Variants in SCHIP1 observed in about 807,000 individuals in gnomAD.
The protein encoded by SCHIP1 is schwannomin-interacting protein 1.
Under a neutral mutation model 29.7 loss-of-function variants are expected in SCHIP1, and 8 were observed. The ratio of observed to expected loss-of-function variants is 0.27; its 90% CI spans 0.16 to 0.49. The LOEUF (loss-of-function observed/expected upper bound fraction) is 0.49, where lower values mean the gene tolerates loss of function less well. Among genes scored for constraint, SCHIP1 ranks in the 20% least tolerant of loss-of-function variants. SCHIP1 has a pLI of 0.99. For missense variants in SCHIP1, 193 were observed against 294.6 expected (o/e 0.66, Z 2.52); for synonymous variants, 76 against 94.9 (o/e 0.80, Z 1.16).
chr3:159,877,540 GTTTCTAAA>G (rs1440224320), intron 2 of SCHIP1, among the ~76,000 whole-genome samples: 5 of 152,118 alleles, frequency 3.3e-5, no homozygotes, highest in Admixed American at 2.6e-4. Flanking sequence ...GCCCCAAAAT[GTTTCTAAA>G]CATGAACATA....
the SCHIP1 span, among the ~76,000 whole-genome samples, chr3:159,623,108 C>A: frequency 3.3e-5 from 5 of 152,156 alleles, no homozygotes; most frequent in South Asian, 8.3e-4. Flanking sequence ...GATCCTCAGG[C>A]AACAGAAATA....
At chr3:159,341,210 C>G in the SCHIP1 span, among the ~76,000 whole-genome samples, 279 of 150,834 alleles carry the variant, frequency 1.8e-3, 1 homozygote, top group African/African-American at 6.6e-3. Context: ...CCTTTCCTAG[C>G]TTTTGAAGTG....
At chr3:159,517,589 T>C in the SCHIP1 span, among the ~76,000 whole-genome samples, 2 of 152,126 alleles carry the variant, frequency 1.3e-5, no homozygotes, top group Non-Finnish European at 2.9e-5. Flanking sequence ...AGCTATATGC[T>C]TAAATAACTT....
chr3:159,493,186 G>A, the SCHIP1 span, among the ~76,000 whole-genome samples: 1 of 152,196 alleles, frequency 6.6e-6, no homozygotes, highest in Non-Finnish European at 1.5e-5. Context: ...GGAAGAAACT[G>A]CATCAACTAA....
At chr3:159,352,887 A>G in the SCHIP1 span, among the ~76,000 whole-genome samples, 1 of 152,136 alleles carries the variant, frequency 6.6e-6, no homozygotes, top group Admixed American at 6.6e-5. Context: ...AAAGTAGTCA[A>G]TTTAAAGAAA....
At chr3:159,587,782 T>A in the SCHIP1 span, among the ~76,000 whole-genome samples, 128 of 152,332 alleles carry the variant, frequency 8.4e-4, no homozygotes, top group African/African-American at 2.9e-3. Flanking sequence ...TCCATGTCCC[T>A]ACAAAGGACA....
chr3:159,306,620 T>A, the SCHIP1 span: 17 of 839,900 alleles, frequency 2.0e-5, no homozygotes, highest in South Asian at 6.6e-4. Flanking sequence ...CTCACTACTT[T>A]AGCCTTCTTT....
the SCHIP1 span, among the ~76,000 whole-genome samples, chr3:159,685,935 C>G: frequency 6.6e-6 from 1 of 152,148 alleles, no homozygotes; most frequent in Non-Finnish European, 1.5e-5. Flanking sequence ...AATGAGAGCA[C>G]AGAAAAGTAG....
intron 6 of SCHIP1, 120 bp downstream of exon 7, chr3:159,892,310 C>G: frequency 1.7e-6 from 2 of 1,149,840 alleles, no homozygotes; most frequent in South Asian, 1.4e-5. Context: ...ACTCACCTAG[C>G]CTTTTCTGGT....
chr3:159,471,955 T>C, the SCHIP1 span, among the ~76,000 whole-genome samples: 1 of 152,164 alleles, frequency 6.6e-6, no homozygotes, highest in Non-Finnish European at 1.5e-5. Flanking sequence ...GAAAGACATA[T>C]ATGCAGTATA....
intron 2 of SCHIP1, among the ~76,000 whole-genome samples, chr3:159,882,013 A>C (rs1423477560): frequency 6.6e-6 from 1 of 152,224 alleles, no homozygotes; most frequent in Non-Finnish European, 1.5e-5. Context: ...CTGAGGGGGA[A>C]ACTGGAATAC....
chr3:159,410,879 T>A, the SCHIP1 span, among the ~76,000 whole-genome samples: 1 of 148,094 alleles, frequency 6.8e-6, no homozygotes, highest in East Asian at 1.9e-4. Context: ...GACATAAATG[T>A]CCATCACTAG....
At chr3:159,380,743 A>C in the SCHIP1 span, among the ~76,000 whole-genome samples, 1 of 152,286 alleles carries the variant, frequency 6.6e-6, no homozygotes, top group South Asian at 2.1e-4. Flanking sequence ...ATGAAGAAAA[A>C]GAATGAGGCC....
the SCHIP1 span, among the ~76,000 whole-genome samples, chr3:159,431,765 G>A: frequency 6.6e-6 from 1 of 150,892 alleles, no homozygotes; most frequent in Non-Finnish European, 1.5e-5. Context: ...GCTGAGATCG[G>A]GCCACTGCAC....
At chr3:159,830,884 A>G in the SCHIP1 span, among the ~76,000 whole-genome samples, 1 of 152,230 alleles carries the variant, frequency 6.6e-6, no homozygotes, top group Admixed American at 6.5e-5. Flanking sequence ...TACTTAGGAT[A>G]TGGCACAGGA....
chr3:159,335,232 G>C, the SCHIP1 span, among the ~76,000 whole-genome samples: 1 of 152,104 alleles, frequency 6.6e-6, no homozygotes, highest in African/African-American at 2.4e-5. Context: ...CCATTTTCCA[G>C]AGTGATTGGA....
the SCHIP1 span, among the ~76,000 whole-genome samples, chr3:159,496,623 G>T: frequency 3.3e-5 from 5 of 152,236 alleles, no homozygotes; most frequent in Non-Finnish European, 7.3e-5. Flanking sequence ...TGGAGAGGAT[G>T]TGGAGAAATA....
At chr3:159,425,925 C>G in the SCHIP1 span, among the ~76,000 whole-genome samples, 1 of 152,312 alleles carries the variant, frequency 6.6e-6, no homozygotes, top group South Asian at 2.1e-4. Flanking sequence ...AGCTGAATAA[C>G]CTGCTCCTGA....
the SCHIP1 span, among the ~76,000 whole-genome samples, chr3:159,825,557 C>T: frequency 1.3e-5 from 2 of 152,292 alleles, no homozygotes; most frequent in African/African-American, 4.8e-5. Flanking sequence ...CAGCTGGTCA[C>T]AGGCACACTC....
Sources: gnomAD v4.1 joint callset for allele counts (sites outside exome capture counted in the v4.1 genomes callset) on GRCh38, gnomAD v4.1.1 for gene constraint, MANE v1.5 for transcripts, NCBI Gene and HGNC (gene_info 2026-07-23, HGNC 2026-07-21) for gene names.